Variants in A1CF observed in about 807,000 individuals in gnomAD.
A1CF encodes APOBEC-1 stimulating protein.
Under a neutral mutation model 68.9 loss-of-function variants are expected in A1CF, and 48 were observed. The ratio of observed to expected loss-of-function variants is 0.70; its 90% confidence interval spans 0.55 to 0.89. The LOEUF (loss-of-function observed/expected upper bound fraction) is 0.89. Ranked by LOEUF, A1CF falls within the 40% of genes least tolerant of loss-of-function variation. The pLI is 0.00. For synonymous variants in A1CF, 272 were observed against 260.4 expected, an observed-to-expected ratio of 1.04 and a Z score of -0.43; for missense variants, 653 against 718.9, an observed-to-expected ratio of 0.91 and a Z score of 1.05.
intron 3 of A1CF, among the ~76,000 whole-genome samples, chr10:50,851,119 A>G (rs900132067): frequency 2.6e-5 from 4 of 152,210 alleles, no homozygotes; most frequent in East Asian, 1.9e-4. Flanking sequence ...GGAATTTTGT[A>G]TAATCATTCT....
intron 12 of A1CF, among the ~76,000 whole-genome samples, chr10:50,807,142 G>C (rs1305856405): frequency 6.6e-6 from 1 of 152,128 alleles, no homozygotes; most frequent in Non-Finnish European, 1.5e-5. Flanking sequence ...GAGAATTAAA[G>C]ATGCTTGGGA....
intron 3 of A1CF, among the ~76,000 whole-genome samples, chr10:50,857,740 T>G (rs915179817): frequency 7.9e-5 from 12 of 152,196 alleles, no homozygotes; most frequent in Admixed American, 2.6e-4. Flanking sequence ...GCAGCTTTGT[T>G]GTTGGCAAGG....
At chr10:50,844,294 G>A (rs1589010686) in intron 3 of A1CF, among the ~76,000 whole-genome samples, 172 bp from the exon 4 acceptor site, 3 of 152,276 alleles carry the variant, frequency 2.0e-5, no homozygotes, top group Admixed American at 6.5e-5. Flanking sequence ...GTGGATTATA[G>A]TACCACACTC....
At chr10:50,880,910 C>A (rs1008447921) in intron 1 of A1CF, among the ~76,000 whole-genome samples, 4 of 151,880 alleles carry the variant, frequency 2.6e-5, no homozygotes, top group Non-Finnish European at 4.4e-5. Flanking sequence ...GGGCTGTTTT[C>A]TTCTAGGTCC....
Position 50,820,636 on chromosome 10 carries a change from C to T in A1CF, c.783G>A (p.Arg261=), listed in dbSNP as rs999473516. The change falls in exon 8 of 13, where the codon AGG becomes AGA. Residue 261 remains arginine, a synonymous_variant. Coordinates refer to ENST00000373997, the MANE Select transcript of A1CF (RefSeq NM_014576.4). ...FNNIKPGAVE[R]VKKIRDYAFV... is the part of the protein sequence containing the mutation. ...AAGCATAGTCTCGAATTTTCTTCAC[C>T]CTCTCCACAGCACCTGTAAAATAGA... 1.9e-5 allele frequency: 31 copies of T among 1,613,024 alleles called. No homozygotes were observed. Among genetic ancestry groups the T allele is most frequent in the Non-Finnish European group, 2.6e-5 (31 of 1,179,566 alleles).
intron 8 of A1CF, among the ~76,000 whole-genome samples, chr10:50,816,934 C>T (rs74661627): frequency 2.7e-3 from 413 of 152,282 alleles, no homozygotes; most frequent in Non-Finnish European, 3.9e-3. Flanking sequence ...TTTTGATCTG[C>T]TGAACAGTTG....
chr10:50,836,647 G>A (rs949802986), intron 5 of A1CF, among the ~76,000 whole-genome samples: 3 of 150,602 alleles, frequency 2.0e-5, no homozygotes, highest in South Asian at 2.1e-4. Flanking sequence ...CCATTAACTC[G>A]TCATTTGCAT....
chr10:50,814,680 G>C (rs1031887988), intron 9 of A1CF, among the ~76,000 whole-genome samples: 3 of 152,106 alleles, frequency 2.0e-5, no homozygotes, highest in Admixed American at 1.3e-4. Flanking sequence ...TATATTGGTG[G>C]CATAGAGATA....
At chr10:50,842,161 T>C (rs1315758591) in intron 4 of A1CF, among the ~76,000 whole-genome samples, 169 bp from the exon 5 acceptor site, 2 of 152,232 alleles carry the variant, frequency 1.3e-5, no homozygotes, top group African/African-American at 4.8e-5. Flanking sequence ...TTTGCATATT[T>C]TCATGTGGGT....
chr10:50,816,728 T>A (rs4268458), intron 8 of A1CF, among the ~76,000 whole-genome samples: 63,364 of 152,090 alleles, frequency 0.42, 14,909 homozygotes, highest in Admixed American at 0.57. Context: ...AGAAATCTTA[T>A]CAATTATTAG....
At chr10:50,818,517 A>G (rs977811837) in intron 8 of A1CF, among the ~76,000 whole-genome samples, 3 of 152,052 alleles carry the variant, frequency 2.0e-5, no homozygotes, top group Admixed American at 1.3e-4. Context: ...AATTATTCCA[A>G]CGTAATTTTT....
At chr10:50,823,219 G>A (rs1366898203) in intron 7 of A1CF, among the ~76,000 whole-genome samples, 1 of 152,118 alleles carries the variant, frequency 6.6e-6, no homozygotes, top group African/African-American at 2.4e-5. Flanking sequence ...TAAAAAGTTA[G>A]AGTCTGTGTC....
chr10:50,836,299 A>C lies in A1CF; in HGVS notation c.379T>G (p.Leu127Val), dbSNP rs1839490761. The C allele has an allele frequency of 6.2e-7, 1 of 1,611,612 alleles. No homozygotes were observed. The highest frequency in any genetic ancestry group is 8.5e-7 in the Non-Finnish European group (1 of 1,179,250). The change falls in exon 6 of 13, where the codon TTA becomes GTA. Residue 127 changes from leucine (L) to valine (V), a missense_variant. By Grantham distance (32) the Leu-to-Val change is conservative. Coordinates refer to ENST00000373997, the MANE Select transcript of A1CF (RefSeq NM_014576.4). ...TTGTCCACACTGGCACAAACCCCTA[A>C]GAGGCGCCCATTTCTGCAAAAAGAG... ...NNYEIRNGRL[L>V]GVCASVDNCR...
rs751330239 is a variant in A1CF at position 50,841,922 on chromosome 10, G to A, written c.305C>T (p.Thr102Ile). The change falls in exon 5 of 13, where the codon ACA becomes ATA. Residue 102 changes from threonine to isoleucine, a missense_variant. Coordinates refer to ENST00000373997, the MANE Select transcript of A1CF (RefSeq NM_014576.4). ...NGNNRGYAFV[T>I]FSNKVEAKNA... Reference sequence around the variant, plus strand: ...CTTGGCTTCCACTTTATTTGAAAATGTTACAAATGCATATCCTCTATTGTT... The same window carrying A: ...CTTGGCTTCCACTTTATTTGAAAATATTACAAATGCATATCCTCTATTGTT... 6.2e-7 allele frequency: 1 copy of A among 1,612,128 alleles called. No individual in the cohort carries two copies. Among genetic ancestry groups the A allele is most frequent in the Non-Finnish European group, 8.5e-7 (1 of 1,178,716 alleles).
chr10:50,843,906 G>C, intron 4 of A1CF, 82 bp downstream of exon 4: 1 of 1,539,712 alleles, frequency 6.5e-7, no homozygotes, highest in Non-Finnish European at 8.9e-7. Flanking sequence ...TGACCAAGAA[G>C]GCTGAGAATG....
intron 3 of A1CF, among the ~76,000 whole-genome samples, chr10:50,844,368 T>C (rs1397384139): frequency 6.6e-6 from 1 of 152,150 alleles, no homozygotes; most frequent in Non-Finnish European, 1.5e-5. Flanking sequence ...GGCAAATATT[T>C]TTTTTTTCTT....
intron 3 of A1CF, among the ~76,000 whole-genome samples, chr10:50,852,303 A>G (rs1589021388): frequency 2.0e-5 from 3 of 152,340 alleles, no homozygotes; most frequent in East Asian, 3.9e-4. Context: ...CTTCTGGAAC[A>G]TATCTGTGTT....
chr10:50,845,953 CAAAAAAA>C (rs151246598), intron 3 of A1CF, among the ~76,000 whole-genome samples: 6 of 113,238 alleles, frequency 5.3e-5, no homozygotes, highest in African/African-American at 2.3e-4. Flanking sequence ...GACTCTGTCT[CAAAAAAA>C]AAAAAAAAAC....
In A1CF at chr10:50,800,024, T is replaced by TA. The variant is rs1837537119; in HGVS notation, c.*6704dup. 6.6e-6 allele frequency: 1 copy of TA among 152,090 alleles called. No homozygotes were observed. The highest frequency in any genetic ancestry group is 1.5e-5 in the Non-Finnish European group (1 of 67,946). 9.4% of individuals were successfully genotyped at this position (152,090 alleles called of 1,614,324 possible). A position where few individuals can be genotyped will look rare whatever the true frequency, so the allele number is the denominator to read the frequency against. On this transcript the variant is annotated 3_prime_UTR_variant, in exon 13 of 13. Coordinates refer to ENST00000373997, the MANE Select transcript of A1CF (RefSeq NM_014576.4). ...ATAAAGAAAATGCCAAGTTTCAAAATAAAATTTACATTTGTAAAAAGGTAT... is the reference window on the plus strand; with the variant it reads ...ATAAAGAAAATGCCAAGTTTCAAAATAAAAATTTACATTTGTAAAAAGGTAT...
Sources: gnomAD v4.1 joint callset for allele counts (sites outside exome capture counted in the v4.1 genomes callset) on GRCh38, gnomAD v4.1.1 for gene constraint, MANE v1.5 for transcripts, NCBI Gene and HGNC (gene_info 2026-07-23, HGNC 2026-07-21) for gene names.